Variants in EEPD1 observed in about 807,000 individuals in gnomAD.
EEPD1 encodes the protein endonuclease/exonuclease/phosphatase family domain-containing protein 1.
EEPD1 carries 17 observed loss-of-function variants against 46.3 expected under a neutral mutation model. That is an observed-to-expected ratio of 0.37 (90% CI 0.25 to 0.55). The LOEUF (loss-of-function observed/expected upper bound fraction) is 0.55, where lower values mean the gene tolerates loss of function less well. EEPD1 is among the 20% of genes least tolerant of loss of function. The pLI is 0.83. For synonymous variants in EEPD1, 313 were observed against 315.6 expected, an observed-to-expected ratio of 0.99 and a Z score of 0.09; for missense variants, 673 against 745.6, an observed-to-expected ratio of 0.90 and a Z score of 1.13.
chr7:36,278,026 A>T (rs1365412444), intron 3 of EEPD1, among the ~76,000 whole-genome samples: 2 of 152,124 alleles, frequency 1.3e-5, no homozygotes, highest in African/African-American at 4.8e-5. Context: ...ATCAACTTGA[A>T]CCTATCAGAG....
intron 2 of EEPD1, among the ~76,000 whole-genome samples, chr7:36,231,652 C>T (rs1401459125): frequency 1.3e-5 from 2 of 152,138 alleles, no homozygotes; most frequent in Admixed American, 6.5e-5. Flanking sequence ...CATCTTGTCC[C>T]CCAGACACAC....
intron 2 of EEPD1, among the ~76,000 whole-genome samples, chr7:36,221,152 A>C (rs1367693327): frequency 1.3e-5 from 2 of 152,202 alleles, no homozygotes; most frequent in African/African-American, 4.8e-5. Context: ...AATTTTTCTC[A>C]GTTTGAGGGA....
chr7:36,173,170 C>A (rs1259909197), intron 2 of EEPD1, among the ~76,000 whole-genome samples: 2 of 151,854 alleles, frequency 1.3e-5, no homozygotes, highest in Non-Finnish European at 1.5e-5. Flanking sequence ...GGACGGTTTC[C>A]CCCATGCTGT....
chr7:36,154,541 G>A lies in EEPD1; in HGVS notation c.217G>A (p.Gly73Ser), dbSNP rs375115317. Reference sequence around the variant, plus strand: ...CGTGGAGTACCGAGAGTATATCGGTGGCTTCAAGAAGGTGGAGGACCTGGC... The same window carrying A: ...CGTGGAGTACCGAGAGTATATCGGTAGCTTCAAGAAGGTGGAGGACCTGGC... Reference protein sequence around the residue: ...SIVEYREYIGGFKKVEDLALV... With the variant: ...SIVEYREYIGSFKKVEDLALV... The change falls in exon 2 of 8, where the codon GGC becomes AGC. Residue 73 changes from glycine (G) to serine (S), a missense_variant. Physicochemically the swap from Gly to Ser is moderately conservative, Grantham distance 56. Coordinates refer to ENST00000242108, the MANE Select transcript of EEPD1 (RefSeq NM_030636.3). The surrounding 1 kb of genome is among the most constrained non-coding windows in gnomAD (Gnocchi z 4.2). The A allele has an allele frequency of 1.1e-5, 17 of 1,614,070 alleles. No homozygotes were observed. Among genetic ancestry groups the A allele is most frequent in the Non-Finnish European group, 1.4e-5 (17 of 1,180,040 alleles).
intron 2 of EEPD1, among the ~76,000 whole-genome samples, chr7:36,199,105 C>G (rs1385184841): frequency 6.6e-6 from 1 of 152,130 alleles, no homozygotes; most frequent in African/African-American, 2.4e-5. Flanking sequence ...CATTCTTCCA[C>G]TGGAATCTGG....
rs568340198 is a variant in EEPD1 at position 36,154,261 on chromosome 7, C to T, written c.-64C>T. 5.9e-4 allele frequency: 902 copies of T among 1,522,570 alleles called. No homozygotes were observed. Among genetic ancestry groups the T allele is most frequent in the Non-Finnish European group, 7.3e-4 (828 of 1,141,214 alleles). 94.3% of individuals were successfully genotyped at this position (1,522,570 alleles called of 1,614,324 possible). ...GTGCTTGTACGGCCTACTGGGCTTC[C>T]TCCCTAGCCAGAGAGCTCTTCTGCA... On this transcript the variant is annotated 5_prime_UTR_variant, in exon 2 of 8. Coordinates refer to ENST00000242108, the MANE Select transcript of EEPD1 (RefSeq NM_030636.3). The surrounding 1 kb of genome is among the most constrained non-coding windows in gnomAD (Gnocchi z 4.2).
intron 2 of EEPD1, among the ~76,000 whole-genome samples, chr7:36,207,207 A>G (rs117116169): frequency 0.013 from 1,916 of 152,320 alleles, 16 homozygotes; most frequent in Non-Finnish European, 0.02. Flanking sequence ...GGAAGAGGAA[A>G]ACAAATCATG....
intron 2 of EEPD1, among the ~76,000 whole-genome samples, chr7:36,198,359 G>GAAAAAAAAAAAAAAAAAAAA (rs1381831424): frequency 1.5e-4 from 6 of 39,640 alleles, no homozygotes; most frequent in Admixed American, 2.8e-4. Flanking sequence ...AAAAAAAAAA[G>GAAAAAAAAAAAAAAAAAAAA]AAAGATATTT....
At chr7:36,287,496 T>A in intron 5 of EEPD1, 143 bp from the exon 6 acceptor site, 1 of 1,297,018 alleles carries the variant, frequency 7.7e-7, no homozygotes, top group Non-Finnish European at 1.0e-6. Context: ...GACCTTACAT[T>A]ATTTCCTGGG....
chr7:36,287,912 C>G (rs939426645), intron 6 of EEPD1, 135 bp downstream of exon 6: 81 of 1,258,654 alleles, frequency 6.4e-5, no homozygotes, highest in Non-Finnish European at 8.0e-5. Context: ...GACAGTCAAA[C>G]CTCTGGCATC....
intron 2 of EEPD1, among the ~76,000 whole-genome samples, chr7:36,227,902 G>A (rs1350962887): frequency 6.6e-6 from 1 of 152,064 alleles, no homozygotes; most frequent in African/African-American, 2.4e-5. Context: ...TGGTCAGGCT[G>A]GTCTCAAACT....
Position 36,252,263 on chromosome 7 carries a change from G to A in EEPD1, c.930+13227G>A, listed in dbSNP as rs149359924. Among the ~76,000 whole-genome samples, 1,422 of 152,308 alleles carry A rather than the reference G, an allele frequency of 9.3e-3. 5 individuals carry two copies. Among genetic ancestry groups the A allele is most frequent in the Non-Finnish European group, 0.015 (994 of 68,032 alleles). On this transcript the variant is annotated intron_variant, in intron 3 of 7. Coordinates refer to ENST00000242108, the MANE Select transcript of EEPD1 (RefSeq NM_030636.3). Reference sequence around the variant, plus strand: ...AGTCAGACCTGAAGGTTTTGGGGGCGCAGTTGCCTTTTGCAGTTGTTTGGG... The same window carrying A: ...AGTCAGACCTGAAGGTTTTGGGGGCACAGTTGCCTTTTGCAGTTGTTTGGG...
chr7:36,297,969 C>T (rs911288387), intron 7 of EEPD1, among the ~76,000 whole-genome samples: 3 of 152,150 alleles, frequency 2.0e-5, no homozygotes, highest in Non-Finnish European at 4.4e-5. Context: ...AGTTGCAGGG[C>T]CTGGCTTTTA....
At chr7:36,271,191 T>G (rs919823627) in intron 3 of EEPD1, among the ~76,000 whole-genome samples, 1 of 152,148 alleles carries the variant, frequency 6.6e-6, no homozygotes, top group African/African-American at 2.4e-5. Flanking sequence ...TTTTACCATG[T>G]TGGCCAGGCT....
chr7:36,256,905 T>C (rs187763600), intron 3 of EEPD1, among the ~76,000 whole-genome samples: 42 of 152,342 alleles, frequency 2.8e-4, no homozygotes, highest in Admixed American at 3.9e-4. Flanking sequence ...TTGATGCAGT[T>C]TCTTCATGTT....
At chr7:36,251,089 A>G (rs1421510405) in intron 3 of EEPD1, among the ~76,000 whole-genome samples, 1 of 152,108 alleles carries the variant, frequency 6.6e-6, no homozygotes, top group Non-Finnish European at 1.5e-5. Context: ...TCTTTGGCTT[A>G]TGGTTTGACC....
At chr7:36,203,582 G>A (rs1158039965) in intron 2 of EEPD1, among the ~76,000 whole-genome samples, 1 of 152,196 alleles carries the variant, frequency 6.6e-6, no homozygotes, top group Non-Finnish European at 1.5e-5. Flanking sequence ...TTTAAAGGCT[G>A]CCTTGTGGGA....
chr7:36,272,304 C>T (rs1279409719), intron 3 of EEPD1, among the ~76,000 whole-genome samples: 1 of 152,078 alleles, frequency 6.6e-6, no homozygotes, highest in Non-Finnish European at 1.5e-5. Context: ...TGGAACATTC[C>T]TAAAGGGCAG....
intron 6 of EEPD1, among the ~76,000 whole-genome samples, chr7:36,294,557 G>A (rs1023302601): frequency 6.6e-6 from 1 of 152,200 alleles, no homozygotes; most frequent in African/African-American, 2.4e-5. Flanking sequence ...GAAGAACTTA[G>A]TGGGTATTCG....
Sources: gnomAD v4.1 joint callset for allele counts (sites outside exome capture counted in the v4.1 genomes callset) on GRCh38, gnomAD v4.1.1 for gene constraint, Gnocchi (gnomAD v3.1) non-coding constraint, MANE v1.5 for transcripts, NCBI Gene and HGNC (gene_info 2026-07-23, HGNC 2026-07-21) for gene names.